Variants in PCDH15 observed in about 807,000 individuals in gnomAD.
PCDH15 encodes the protein protocadherin-15.
In PCDH15, 129 loss-of-function variants were observed where a neutral mutation model predicts 178.5. The ratio of observed to expected loss-of-function variants is 0.72; its 90% CI spans 0.63 to 0.84. PCDH15 has a LOEUF of 0.84. Among genes scored for constraint, PCDH15 ranks in the 40% least tolerant of loss-of-function variants. The pLI, the probability that PCDH15 is intolerant of heterozygous loss-of-function variation, is 0.00. For missense variants in PCDH15, 2,230 were observed against 2,099.9 expected (o/e 1.06, Z -1.21); for synonymous variants, 800 against 732.0 (o/e 1.09, Z -1.50).
At chr10:54,909,709 G>A (rs1332471529) in intron 2 of PCDH15, among the ~76,000 whole-genome samples, 2 of 152,028 alleles carry the variant, frequency 1.3e-5, no homozygotes, top group Non-Finnish European at 2.9e-5. Context: ...AGAGCACAGG[G>A]GTGTCTGGGT....
chr10:54,761,827 A>G lies in PCDH15; in HGVS notation c.-29+39098T>C, dbSNP rs192951701. 2.6e-5 allele frequency among the ~76,000 whole-genome samples: 4 copies of G among 152,290 alleles called. No homozygotes were observed. The East Asian group carries it at 5.8e-4, about 22-fold the overall frequency. ...TCAGTCAAACCAACCTGTGTCTATA[A>G]TCAAAGTGCAAGCTTTGCAGAGGAG... On this transcript the variant is annotated intron_variant, in intron 1 of 37. Coordinates refer to ENST00000644397, the MANE Select transcript of PCDH15 (RefSeq NM_001384140.1).
At chr10:54,433,312 A>G (rs887767373) in intron 3 of PCDH15, among the ~76,000 whole-genome samples, 3 of 152,178 alleles carry the variant, frequency 2.0e-5, no homozygotes, top group African/African-American at 7.2e-5. Flanking sequence ...ATTTGGAGGC[A>G]AAGTGTCCAT....
intron 23 of PCDH15, among the ~76,000 whole-genome samples, chr10:53,947,810 T>G (rs184321764): frequency 6.6e-6 from 1 of 152,214 alleles, no homozygotes; most frequent in Non-Finnish European, 1.5e-5. Flanking sequence ...TTTGCTTCTA[T>G]TCAGTTCCTT....
chr10:54,345,801 CAAAAAAAAAAAAAAAA>C (rs540507383), intron 6 of PCDH15, among the ~76,000 whole-genome samples: 2 of 52,462 alleles, frequency 3.8e-5, no homozygotes, highest in South Asian at 1.7e-3. Context: ...GACTCCGTCT[CAAAAAAAAAAAAAAAA>C]AAAAAAAAAA....
chr10:54,847,478 T>C (rs551555266), intron 3 of PCDH15, among the ~76,000 whole-genome samples: 1 of 152,258 alleles, frequency 6.6e-6, no homozygotes, highest in South Asian at 2.1e-4. Context: ...ATAGTTTTAC[T>C]CTTCAACTAC....
intron 21 of PCDH15, among the ~76,000 whole-genome samples, chr10:53,973,245 A>G (rs1475803661): frequency 6.9e-6 from 1 of 145,550 alleles, no homozygotes; most frequent in Non-Finnish European, 1.5e-5. Flanking sequence ...CAACAATGAG[A>G]ACACTTGGAC....
intron 2 of PCDH15, among the ~76,000 whole-genome samples, chr10:55,130,173 C>T (rs1007898324): frequency 4.0e-5 from 6 of 151,734 alleles, no homozygotes; most frequent in Admixed American, 3.9e-4. Flanking sequence ...AGGAGTGTTG[C>T]CCTAGGGAAG....
chr10:55,565,725 A>C (rs1490181023), intron 2 of PCDH15, among the ~76,000 whole-genome samples: 1 of 151,632 alleles, frequency 6.6e-6, no homozygotes, highest in African/African-American at 2.4e-5. Context: ...GTATGCCTAG[A>C]AATCTAATTA....
intron 2 of PCDH15, among the ~76,000 whole-genome samples, chr10:54,652,609 A>C (rs2094287807): frequency 6.6e-6 from 1 of 152,194 alleles, no homozygotes. Context: ...AGTTAAAATG[A>C]GGCTCTTAAG....
At chr10:53,999,649 G>T (rs1480954841) in intron 20 of PCDH15, among the ~76,000 whole-genome samples, 1 of 152,080 alleles carries the variant, frequency 6.6e-6, no homozygotes, top group East Asian at 1.9e-4. Context: ...CTCTGCTTGT[G>T]GAGAAGGACT....
At chr10:54,108,631 C>T (rs544103901) in intron 15 of PCDH15, among the ~76,000 whole-genome samples, 1 of 152,212 alleles carries the variant, frequency 6.6e-6, no homozygotes, top group South Asian at 2.1e-4. Context: ...ACTAGGATGG[C>T]ATGTGACCTA....
chr10:54,544,801 TA>T (rs1258024842), intron 2 of PCDH15, among the ~76,000 whole-genome samples: 1 of 152,178 alleles, frequency 6.6e-6, no homozygotes, highest in African/African-American at 2.4e-5. Flanking sequence ...ATTAATCTGT[TA>T]AAAATTTCTG....
chr10:54,833,187 G>A (rs1414884661), intron 3 of PCDH15, among the ~76,000 whole-genome samples: 2 of 152,062 alleles, frequency 1.3e-5, no homozygotes, highest in Non-Finnish European at 2.9e-5. Context: ...AGACTTTCAA[G>A]AAGAGTTTGG....
intron 3 of PCDH15, among the ~76,000 whole-genome samples, chr10:54,445,817 T>C (rs2076109596): frequency 6.6e-6 from 1 of 151,618 alleles, no homozygotes; most frequent in African/African-American, 2.4e-5. Flanking sequence ...TTTATTTGTG[T>C]TTTTAGTCTT....
chr10:54,792,533 C>G (rs955849279), intron 1 of PCDH15, among the ~76,000 whole-genome samples: 1 of 151,876 alleles, frequency 6.6e-6, no homozygotes, highest in Non-Finnish European at 1.5e-5. Flanking sequence ...AGACTGACAA[C>G]CCAAGTGTGG....
chr10:54,679,185 G>A lies in PCDH15; in HGVS notation c.-28-14895C>T, dbSNP rs1328051327. On this transcript the variant is annotated intron_variant, in intron 1 of 37. Coordinates refer to ENST00000644397, the MANE Select transcript of PCDH15 (RefSeq NM_001384140.1). ...AACCTGGGAGACACAGCGAGACTCC[G>A]TCTCAAAAAAAAAAAAAAAAAAAAA... Among the ~76,000 whole-genome samples, 4 of 99,852 alleles carry A rather than the reference G, an allele frequency of 4.0e-5. No homozygotes were observed. The Admixed American group carries it at 4.0e-4, about 10-fold the overall frequency. 65.5% of individuals were successfully genotyped at this position (99,852 alleles called of 152,430 possible).
intron 24 of PCDH15, 134 bp from the exon 25 acceptor site, chr10:53,939,089 A>T (rs958264741): frequency 7.1e-6 from 6 of 844,628 alleles, no homozygotes; most frequent in Non-Finnish European, 1.1e-5. Flanking sequence ...AAAGTGACAA[A>T]ATGCTGGCTT....
intron 1 of PCDH15, among the ~76,000 whole-genome samples, chr10:54,769,239 C>A (rs1002040298): frequency 6.6e-6 from 1 of 151,696 alleles, no homozygotes; most frequent in African/African-American, 2.4e-5. Context: ...AAGTTAACAG[C>A]GACCTGGTGT....
chr10:55,411,307 T>C (rs150793193), intron 2 of PCDH15, among the ~76,000 whole-genome samples: 1 of 152,212 alleles, frequency 6.6e-6, no homozygotes, highest in Non-Finnish European at 1.5e-5. Context: ...ATTATCATAA[T>C]ACCCAGCACA....
Sources: gnomAD v4.1 joint callset for allele counts (sites outside exome capture counted in the v4.1 genomes callset) on GRCh38, gnomAD v4.1.1 for gene constraint, MANE v1.5 for transcripts, NCBI Gene and HGNC (gene_info 2026-07-23, HGNC 2026-07-21) for gene names.